The following NUP214 variants were observed in gnomAD, a reference collection of about 807,000 sequenced individuals.
NUP214 encodes nucleoporin 214, also known as nuclear pore complex protein Nup214.
NUP214 carries 79 observed loss-of-function variants against 196.2 expected under a neutral mutation model. That is an observed-to-expected ratio of 0.40 (90% confidence interval 0.34 to 0.49). NUP214 has a LOEUF of 0.49. NUP214 is among the 20% of genes least tolerant of loss of function. The probability of loss-of-function intolerance (pLI) is 0.58; values close to 1 mark genes in which losing one functional copy is unlikely to be tolerated. For synonymous variants in NUP214, 1,020 were observed against 990.5 expected, an observed-to-expected ratio of 1.03 and a Z score of -0.56; for missense variants, 2,468 against 2,539.0, an observed-to-expected ratio of 0.97 and a Z score of 0.60.
chr9:131,233,413 C>T, intron 35 of NUP214, 41 bp from the exon 36 acceptor site: 1 of 1,571,556 alleles, frequency 6.4e-7, no homozygotes, highest in East Asian at 2.3e-5. Flanking sequence ...TGCTCTGTGA[C>T]AGAGCAGCTG....
At chr9:131,203,383 G>A (rs74352993) in intron 30 of NUP214, among the ~76,000 whole-genome samples, 7,182 of 152,156 alleles carry the variant, frequency 0.047, 261 homozygotes, top group African/African-American at 0.1. Flanking sequence ...ATCAGACACC[G>A]GCTGCATTTA....
At position 131,146,968 on chromosome 9, in the gene NUP214, GATTATATTC is replaced by G. The variant is rs1347558235; in HGVS notation, c.1946-519_1946-511del. 7.3e-5 allele frequency among the ~76,000 whole-genome samples: 11 copies of G among 151,602 alleles called. No individual in the cohort carries two copies. The highest frequency in any genetic ancestry group is 7.2e-4 in the Admixed American group (11 of 15,222). ...GTACAGAGGAGAGAGTACCTGCAGTGATTATATTCATATTTTCACAGTCAGTCATACTGT... is the reference window on the plus strand; with the variant it reads ...GTACAGAGGAGAGAGTACCTGCAGTGATATTTTCACAGTCAGTCATACTGT... On this transcript the variant is annotated intron_variant, in intron 13 of 35. Coordinates refer to ENST00000359428, the MANE Select transcript of NUP214 (RefSeq NM_005085.4). The surrounding 1 kb of genome is among the most constrained non-coding windows in gnomAD (Gnocchi z 4.6).
Position 131,144,443 on chromosome 9 carries a change from T to C in NUP214, c.1458T>C (p.Ser486=), listed in dbSNP as rs1437652305. Residue 486 remains serine (S), a synonymous_variant, in exon 12 of 36, where the codon TCT becomes TCC. Transcript: ENST00000359428. ...GGAPTVFSFG[S]SSLKSSATVT... is the part of the protein sequence containing the mutation. ...CCCCCACTGTGTTCTCCTTTGGTTC[T>C]TCATCTTTGAAGTCATCTGCTACGG... is the stretch of plus-strand genomic sequence containing the variant. The C allele has an allele frequency of 3.7e-6, 6 of 1,614,182 alleles. No homozygotes were observed. The highest frequency in any genetic ancestry group is 4.2e-6 in the Non-Finnish European group (5 of 1,180,028).
intron 34 of NUP214, among the ~76,000 whole-genome samples, chr9:131,231,410 C>T (rs563914349): frequency 1.3e-5 from 2 of 152,148 alleles, no homozygotes; most frequent in East Asian, 3.9e-4. Context: ...CCAGGATGGT[C>T]TCCATCTCCT....
intron 2 of NUP214, among the ~76,000 whole-genome samples, 167 bp downstream of exon 2, chr9:131,127,886 C>T (rs1170303992): frequency 6.6e-6 from 1 of 152,112 alleles, no homozygotes; most frequent in East Asian, 1.9e-4. Flanking sequence ...CTCCTTGGTC[C>T]TTTGTATTTC....
intron 17 of NUP214, 146 bp downstream of exon 17, chr9:131,152,040 T>A: frequency 1.6e-6 from 1 of 616,292 alleles, no homozygotes; most frequent in East Asian, 3.0e-5. Context: ...TCCCGTAAAC[T>A]TCCTTAACTG....
chr9:131,150,332 A>G lies in NUP214; in HGVS notation c.2049A>G (p.Ser683=). The G allele has an allele frequency of 6.2e-7, 1 of 1,614,136 alleles. No individual in the cohort carries two copies. ...AAKPGSPQAK[S]LQPAVAEKQG... ...TTTTCCTTCCATTTCAGGCAAAGTC[A>G]CTTCAGCCTGCTGTTGCAGAAAAGC... Residue 683 remains serine (S), a synonymous_variant, in exon 15 of 36, where the codon TCA becomes TCG. Transcript: ENST00000359428.
chr9:131,172,694 T>A (rs1832993683), intron 21 of NUP214, among the ~76,000 whole-genome samples: 1 of 152,226 alleles, frequency 6.6e-6, no homozygotes, highest in Non-Finnish European at 1.5e-5. Flanking sequence ...TACTTTAAAT[T>A]TAAATAACCA....
At chr9:131,216,537 T>TC (rs1834403556) in intron 31 of NUP214, among the ~76,000 whole-genome samples, 1 of 146,966 alleles carries the variant, frequency 6.8e-6, no homozygotes, top group African/African-American at 2.5e-5. Flanking sequence ...TTTTTTTTTT[T>TC]TTTCCTTTTT....
At chr9:131,175,844 A>G in intron 23 of NUP214, 1 of 550,602 alleles carries the variant, frequency 1.8e-6, no homozygotes, top group Non-Finnish European at 2.9e-6. Flanking sequence ...TGCCACATTT[A>G]GTTAAGGTGG....
intron 23 of NUP214, among the ~76,000 whole-genome samples, chr9:131,177,318 A>G (rs1285324230): frequency 1.3e-5 from 2 of 152,318 alleles, no homozygotes; most frequent in East Asian, 1.9e-4. Flanking sequence ...ATCTCTTTAA[A>G]TATTACTTGG....
intron 30 of NUP214, among the ~76,000 whole-genome samples, chr9:131,214,233 G>A (rs529819118): frequency 2.0e-5 from 3 of 152,348 alleles, no homozygotes; most frequent in South Asian, 2.1e-4. Context: ...AATGTGCCTA[G>A]CACATACAGA....
chr9:131,223,723 A>ATTTATTTATTTATTTAT (rs1554742606), intron 32 of NUP214, among the ~76,000 whole-genome samples: 44 of 18,978 alleles, frequency 2.3e-3, no homozygotes, highest in Non-Finnish European at 4.4e-3. Context: ...TTATTTATTT[A>ATTTATTTATTTATTTAT]TTTATTTTTT....
chr9:131,170,112 T>G (rs1441129558), intron 21 of NUP214, among the ~76,000 whole-genome samples: 1 of 152,126 alleles, frequency 6.6e-6, no homozygotes, highest in African/African-American at 2.4e-5. Context: ...AGGAATGTAT[T>G]TATGCCATGG....
At chr9:131,137,698 C>T (rs535614451) in intron 9 of NUP214, among the ~76,000 whole-genome samples, 4 of 152,048 alleles carry the variant, frequency 2.6e-5, no homozygotes, top group Non-Finnish European at 2.9e-5. Flanking sequence ...TGTAGGCATG[C>T]GCCAACACGC....
rs759219757 is a variant in NUP214, at chr9:131,197,745, C to T, written c.4251C>T (p.Thr1417=). 1.2e-6 allele frequency: 2 copies of T among 1,614,222 alleles called. No homozygotes were observed. Among genetic ancestry groups the T allele is most frequent in the Non-Finnish European group, 1.7e-6 (2 of 1,180,042 alleles). Residue 1417 remains threonine (T), a synonymous_variant, in exon 29 of 36, where the codon ACC becomes ACT. Coordinates refer to ENST00000359428, the MANE Select transcript of NUP214 (RefSeq NM_005085.4). The stretch of plus-strand genomic sequence containing the variant: ...CCGTTTTTGGCAGTCTGCCAGTCAC[C>T]AGTGCAGGATCCTCTGGGGTCATCA... The part of the protein sequence containing the change: ...STAVFGSLPV[T]SAGSSGVISF...
At chr9:131,181,086 G>A (rs186762772) in intron 24 of NUP214, among the ~76,000 whole-genome samples, 147 of 152,262 alleles carry the variant, frequency 9.7e-4, no homozygotes, top group Non-Finnish European at 1.8e-3. Context: ...CTGAACATGG[G>A]TTATAATTTT....
chr9:131,139,212 A>T, intron 9 of NUP214, 69 bp from the exon 10 acceptor site: 2 of 1,397,956 alleles, frequency 1.4e-6, no homozygotes, highest in Non-Finnish European at 1.9e-6. Flanking sequence ...AACCAATGCA[A>T]AGCTCTAACC....
At chr9:131,221,570 G>A (rs1834555783) in intron 31 of NUP214, among the ~76,000 whole-genome samples, 2 of 152,096 alleles carry the variant, frequency 1.3e-5, no homozygotes, top group South Asian at 4.1e-4. Context: ...CCAACAGCTC[G>A]ACTTTGAAAA....
Sources: gnomAD v4.1 joint callset for allele counts (sites outside exome capture counted in the v4.1 genomes callset) on GRCh38, gnomAD v4.1.1 for gene constraint, Gnocchi (gnomAD v3.1) non-coding constraint, MANE v1.5 for transcripts, NCBI Gene and HGNC (gene_info 2026-07-23, HGNC 2026-07-21) for gene names.